The following RPS11 variants were observed in gnomAD, a reference collection of about 807,000 sequenced individuals.
RPS11 encodes small ribosomal subunit protein uS17.
For missense variants in RPS11, 127 were observed against 211.4 expected, an observed-to-expected ratio of 0.60 and a Z score of 2.48; for synonymous variants, 107 against 78.0, an observed-to-expected ratio of 1.37 and a Z score of -1.96.
At chr19:49,496,509 G>A (rs1446039318) in intron 1 of RPS11, 38 bp downstream of exon 1, 1 of 1,592,764 alleles carries the variant, frequency 6.3e-7, no homozygotes. Flanking sequence ...TGCGGGGTCC[G>A]CCTTGGCCTT....
Position 49,496,452 on chromosome 19 carries a change from G to A in RPS11, c.-5G>A, listed in dbSNP as rs761514666. The A allele has an allele frequency of 6.2e-7, 1 of 1,612,118 alleles. No individual in the cohort carries two copies. The highest frequency in any genetic ancestry group is 1.3e-5 in the African/African-American group (1 of 74,608). ...CCCCTTTCTTTTTTTCAGGCGGCCG[G>A]GAAGATGGCGGACATTCAGGTGCGG... On this transcript the variant is annotated 5_prime_UTR_variant, in exon 1 of 5. Transcript: ENST00000270625.
chr19:49,497,243 G>A lies in RPS11; in HGVS notation c.65G>A (p.Arg22Lys). Reference sequence around the variant, plus strand: ...CCGACCATCTTTCAAAACAAGAAGAGGGTCCTGCTGGGAGAAACTGGCAAG... The same window carrying A: ...CCGACCATCTTTCAAAACAAGAAGAAGGTCCTGCTGGGAGAAACTGGCAAG... ...KQPTIFQNKK[R>K]VLLGETGKEK... The change falls in exon 2 of 5, where the codon AGG (arginine) becomes AAG (lysine). Residue 22 changes from arginine to lysine, a missense_variant. Arg to Lys is a conservative substitution (Grantham distance 26). Coordinates refer to ENST00000270625, the MANE Select transcript of RPS11 (RefSeq NM_001015.5). 1.2e-6 allele frequency: 2 copies of A among 1,614,084 alleles called. No homozygotes were observed. The highest frequency in any genetic ancestry group is 2.2e-5 in the South Asian group (2 of 91,084).
intron 3 of RPS11, 31 bp from the exon 4 acceptor site, chr19:49,497,886 G>T (rs1479290227): frequency 6.2e-7 from 1 of 1,613,934 alleles, no homozygotes; most frequent in South Asian, 1.1e-5. Flanking sequence ...TTTCCCATGG[G>T]ACCTGACCTA....
intron 3 of RPS11, 109 bp downstream of exon 3, chr19:49,497,704 T>A: frequency 8.5e-7 from 1 of 1,174,422 alleles, no homozygotes; most frequent in Non-Finnish European, 1.3e-6. Context: ...TGCAAACTTG[T>A]AGGTCCAGGT....
Position 49,496,436 on chromosome 19 carries a change from T to G in RPS11, c.-21T>G. On this transcript the variant is annotated 5_prime_UTR_variant, in exon 1 of 5. Transcript: ENST00000270625. ...AACCCGGACGCTGCTGCCCCTTTCT[T>G]TTTTTCAGGCGGCCGGGAAGATGGC... The G allele has an allele frequency of 1.2e-6, 2 of 1,612,238 alleles. No individual in the cohort carries two copies. The highest frequency in any genetic ancestry group is 1.7e-6 in the Non-Finnish European group (2 of 1,179,252).
At chr19:49,497,124 G>C in intron 1 of RPS11, 70 bp from the exon 2 acceptor site, 1 of 1,579,240 alleles carries the variant, frequency 6.3e-7, no homozygotes, top group Non-Finnish European at 8.6e-7. Context: ...GTTCTGGGAA[G>C]GTCTCTAGGG....
In RPS11 at chr19:49,498,052, C is replaced by T. The variant is rs753983892; in HGVS notation, c.353+6C>T. The T allele has an allele frequency of 8.7e-6, 14 of 1,612,038 alleles. No individual in the cohort carries two copies. Among genetic ancestry groups the T allele is most frequent in the Non-Finnish European group, 1.2e-5 (14 of 1,179,956 alleles). On this transcript the variant is annotated splice_donor_region_variant and intron_variant, in intron 4 of 4. Transcript: ENST00000270625. ...CACCTGTCCCCCTGCTTCAGGTGAG[C>T]GCAGTGGCCCATCAGGTTGCTCAGG...
intron 4 of RPS11, chr19:49,498,365 G>A (rs758553188): frequency 2.9e-6 from 1 of 349,582 alleles, no homozygotes; most frequent in Non-Finnish European, 5.5e-6. Context: ...CCTGAAAGTA[G>A]TCTTACGCAG....
rs766455394 is a variant in RPS11 at position 49,497,214 on chromosome 19, G to A, written c.36G>A (p.Lys12=). ...TGTAGACTGAGCGTGCCTACCAAAA[G>A]CAGCCGACCATCTTTCAAAACAAGA... ...ADIQTERAYQ[K]QPTIFQNKKR... The change falls in exon 2 of 5, where the codon AAG becomes AAA. Residue 12 remains lysine (K), a synonymous_variant. Coordinates refer to ENST00000270625, the MANE Select transcript of RPS11 (RefSeq NM_001015.5). The A allele has an allele frequency of 1.4e-5, 22 of 1,613,926 alleles. No individual in the cohort carries two copies.
chr19:49,499,494 CCCTA>C lies in RPS11; in HGVS notation c.354-14_354-11del. ...GGGGTGGCCCCTCCTGAGGACATGG[CCCTA>C]CCTGCCTCCACAGGGACGTCCAGAT... On this transcript the variant is annotated splice_polypyrimidine_tract_variant and intron_variant, in intron 4 of 4. Transcript: ENST00000270625. 1 of 1,611,120 alleles carries C rather than the reference CCCTA, an allele frequency of 6.2e-7. No individual in the cohort carries two copies. Among genetic ancestry groups the C allele is most frequent in the East Asian group, 2.2e-5 (1 of 44,772 alleles).
At chr19:49,497,354 G>C in intron 2 of RPS11, 29 bp downstream of exon 2, 1 of 1,613,396 alleles carries the variant, frequency 6.2e-7, no homozygotes, top group Non-Finnish European at 8.5e-7. Flanking sequence ...GAAAGAAGGG[G>C]AACCTGGCGT....
intron 4 of RPS11, 116 bp from the exon 5 acceptor site, chr19:49,499,396 T>G: frequency 2.7e-6 from 3 of 1,126,810 alleles, no homozygotes; most frequent in Non-Finnish European, 2.5e-6. Context: ...TAGAGCTTGG[T>G]TGGGGTTTGG....
chr19:49,497,398 C>T (rs927573765), intron 2 of RPS11, 73 bp downstream of exon 2: 2 of 1,606,028 alleles, frequency 1.2e-6, no homozygotes, highest in South Asian at 1.1e-5. Context: ...GTTGCCCTGC[C>T]TGCATCTAAG....
chr19:49,499,700 G>A lies in RPS11; in HGVS notation c.*65G>A, dbSNP rs1247494956. 6.3e-6 allele frequency: 10 copies of A among 1,575,084 alleles called. No homozygotes were observed. The highest frequency in any genetic ancestry group is 2.6e-6 in the Non-Finnish European group (3 of 1,154,364). On this transcript the variant is annotated 3_prime_UTR_variant, in exon 5 of 5. Coordinates refer to ENST00000270625, the MANE Select transcript of RPS11 (RefSeq NM_001015.5). Reference sequence around the variant, plus strand: ...ATTTTCTCATTCCCAGGCCAGACTTGGGATCTTCCGCGCCTTTACCAGAGC... The same window carrying A: ...ATTTTCTCATTCCCAGGCCAGACTTAGGATCTTCCGCGCCTTTACCAGAGC...
At chr19:49,497,359 T>C in intron 2 of RPS11, 34 bp downstream of exon 2, 1 of 1,613,172 alleles carries the variant, frequency 6.2e-7, no homozygotes, top group Non-Finnish European at 8.5e-7. Context: ...AAGGGGAACC[T>C]GGCGTTCCTG....
chr19:49,497,170 C>A, intron 1 of RPS11, 24 bp from the exon 2 acceptor site: 1 of 1,610,400 alleles, frequency 6.2e-7, no homozygotes. Flanking sequence ...AGCAGCTCAT[C>A]AGTTTTCTCC....
At chr19:49,499,179 T>G (rs1215048387) in intron 4 of RPS11, among the ~76,000 whole-genome samples, 3 of 152,106 alleles carry the variant, frequency 2.0e-5, no homozygotes, top group South Asian at 2.1e-4. Flanking sequence ...GACCTGTGGT[T>G]GTCAGTGCTG....
In RPS11 at chr19:49,497,482, G is replaced by A. The variant is rs769550950; in HGVS notation, c.148-38G>A. 2.4e-5 allele frequency: 39 copies of A among 1,607,274 alleles called. No individual in the cohort carries two copies. In the East Asian group the frequency reaches 4.5e-4, roughly 18 times the overall value. On this transcript the variant is annotated intron_variant, in intron 2 of 4. Coordinates refer to ENST00000270625, the MANE Select transcript of RPS11 (RefSeq NM_001015.5). ...CCCTGGCTCTTTTAAGGAACCGCCC[G>A]CCCAAGGCTCACTCCTTTATCTTTC...
chr19:49,497,610 T>TA lies in RPS11; in HGVS notation c.223+16dup, dbSNP rs773880550. ...GATCCTCTCTGGTAAGTGCGGGAGTTACTGGTGTCTGGGGCCTGAAATACT... is the reference window on the plus strand; with the variant it reads ...GATCCTCTCTGGTAAGTGCGGGAGTTAACTGGTGTCTGGGGCCTGAAATACT... On this transcript the variant is annotated intron_variant, in intron 3 of 4. Coordinates refer to ENST00000270625, the MANE Select transcript of RPS11 (RefSeq NM_001015.5). The TA allele has an allele frequency of 1.9e-6, 3 of 1,609,742 alleles. No individual in the cohort carries two copies. Among genetic ancestry groups the TA allele is most frequent in the Non-Finnish European group, 2.6e-6 (3 of 1,176,064 alleles).
Sources: gnomAD v4.1 joint callset for allele counts (sites outside exome capture counted in the v4.1 genomes callset) on GRCh38, gnomAD v4.1.1 for gene constraint, MANE v1.5 for transcripts, NCBI Gene and HGNC (gene_info 2026-07-23, HGNC 2026-07-21) for gene names.